TMC7: variants seen among roughly 807,000 people sequenced by gnomAD.
TMC7 encodes the protein transmembrane channel-like protein 7.
Under a neutral mutation model 82.9 loss-of-function variants are expected in TMC7, and 54 were observed. The ratio of observed to expected loss-of-function variants is 0.65; its 90% confidence interval spans 0.52 to 0.82. The LOEUF is 0.82. Among genes scored for constraint, TMC7 ranks in the 40% least tolerant of loss-of-function variants. The pLI, the probability that TMC7 is intolerant of heterozygous loss-of-function variation, is 0.00. For synonymous variants in TMC7, 350 were observed against 337.9 expected (o/e 1.04, Z -0.39); for missense variants, 820 against 901.2 (o/e 0.91, Z 1.15).
chr16:18,984,285 T>G (rs1444517511), intron 1 of TMC7, 155 bp downstream of exon 1: 1 of 1,336,012 alleles, frequency 7.5e-7, no homozygotes. Context: ...GGGAAGGAGA[T>G]CTTCCTTATT....
rs1277155788 is a variant in TMC7 at position 19,062,910 on chromosome 16, T to G, written c.*1067T>G. The G allele has an allele frequency of 6.6e-6, 1 of 152,304 alleles. No homozygotes were observed. The highest frequency in any genetic ancestry group is 2.4e-5 in the African/African-American group (1 of 41,434). The allele number at this position is 152,304 out of a possible 1,614,324, so 9.4% of individuals were successfully genotyped here. On this transcript the variant is annotated 3_prime_UTR_variant, in exon 16 of 16. Coordinates refer to ENST00000304381, the MANE Select transcript of TMC7 (RefSeq NM_024847.4). Reference sequence around the variant, plus strand: ...TGGGGAGTAGCCTGGAATTTAAAGTTGGGTGCAGGTTTTAGAAAGCTGTTG... The same window carrying G: ...TGGGGAGTAGCCTGGAATTTAAAGTGGGGTGCAGGTTTTAGAAAGCTGTTG...
intron 1 of TMC7, among the ~76,000 whole-genome samples, chr16:19,004,987 C>A (rs540343332): frequency 8.6e-5 from 13 of 151,964 alleles, no homozygotes; most frequent in Admixed American, 2.0e-4. Flanking sequence ...CACACCAGCA[C>A]AATGGGGATA....
chr16:18,995,149 T>A (rs2039021747), intron 1 of TMC7, among the ~76,000 whole-genome samples: 1 of 152,070 alleles, frequency 6.6e-6, no homozygotes, highest in Non-Finnish European at 1.5e-5. Flanking sequence ...AAGGAGTACA[T>A]TAAAGAATGT....
At chr16:19,007,660 A>T (rs1446248899) in intron 1 of TMC7, among the ~76,000 whole-genome samples, 1 of 150,920 alleles carries the variant, frequency 6.6e-6, no homozygotes, top group East Asian at 1.9e-4. Flanking sequence ...ACAGAGCGAG[A>T]CTCCGTCTCA....
intron 1 of TMC7, among the ~76,000 whole-genome samples, chr16:18,991,735 G>T (rs561797736): frequency 6.6e-6 from 1 of 150,882 alleles, no homozygotes; most frequent in East Asian, 2.0e-4. Context: ...TCCCTCCCCC[G>T]TCCCCGCACC....
At position 19,021,754 on chromosome 16, in the gene TMC7, A is replaced by G. The variant is rs765771408; in HGVS notation, c.586A>G (p.Ile196Val). ...CCCAGTCTTACTCACGAAATACAAG[A>G]TCACCAACAGCAGCTTCGTGCTCAT... ...LLPVLLTKYK[I>V]TNSSFVLIPF... The change falls in exon 4 of 16, where the codon ATC (isoleucine) becomes GTC (valine). Residue 196 changes from isoleucine (I) to valine (V), a missense_variant. Physicochemically the swap from Ile to Val is conservative, Grantham distance 29 (BLOSUM62 3). This residue lies in a region of TMC7 where 650 missense variants were observed against 669.9 expected (regional missense o/e 0.97). Coordinates refer to ENST00000304381, the MANE Select transcript of TMC7 (RefSeq NM_024847.4). The G allele has an allele frequency of 5.0e-6, 8 of 1,614,032 alleles. No individual in the cohort carries two copies. The highest frequency in any genetic ancestry group is 5.9e-6 in the Non-Finnish European group (7 of 1,180,040).
chr16:19,012,121 T>A, intron 2 of TMC7: 1 of 92,116 alleles, frequency 1.1e-5, no homozygotes, highest in Non-Finnish European at 2.2e-5. Flanking sequence ...AAAAGTGAGA[T>A]GTTGTCTCAA....
chr16:18,989,807 CG>C (rs541247197), intron 1 of TMC7, among the ~76,000 whole-genome samples: 14 of 151,602 alleles, frequency 9.2e-5, no homozygotes, highest in Admixed American at 7.2e-4. Context: ...AGAGGCCTCT[CG>C]GGGGGAGGCG....
At chr16:19,023,774 G>A (rs1960095662) in intron 5 of TMC7, among the ~76,000 whole-genome samples, 2 of 152,124 alleles carry the variant, frequency 1.3e-5, no homozygotes, top group South Asian at 4.1e-4. Flanking sequence ...GTATTGATCT[G>A]CAACACAATA....
chr16:19,020,260 T>C (rs1006457106), intron 3 of TMC7, among the ~76,000 whole-genome samples: 5 of 152,218 alleles, frequency 3.3e-5, no homozygotes, highest in African/African-American at 9.7e-5. Flanking sequence ...TGAAAGCTCT[T>C]TCCTTGAGAT....
intron 11 of TMC7, 35 bp downstream of exon 11, chr16:19,045,473 CCACACACATGCACA>C: frequency 7.1e-7 from 1 of 1,411,740 alleles, no homozygotes; most frequent in Non-Finnish European, 1.0e-6. Flanking sequence ...ATCCCCCCCA[CCACACACATGCACA>C]CACACACATA....
intron 1 of TMC7, among the ~76,000 whole-genome samples, chr16:18,996,693 G>A (rs1468237086): frequency 2.6e-5 from 4 of 152,208 alleles, no homozygotes; most frequent in Non-Finnish European, 5.9e-5. Context: ...AAAGAGAAAG[G>A]TGGAGACACA....
At chr16:19,014,973 T>A (rs1041941382) in intron 2 of TMC7, among the ~76,000 whole-genome samples, 1 of 151,120 alleles carries the variant, frequency 6.6e-6, no homozygotes, top group African/African-American at 2.4e-5. Context: ...TGTTTTTTTG[T>A]TTTTTTTTGA....
intron 1 of TMC7, among the ~76,000 whole-genome samples, chr16:19,001,894 A>G (rs2039147671): frequency 1.3e-5 from 2 of 152,206 alleles, no homozygotes; most frequent in Admixed American, 1.3e-4. Flanking sequence ...TAATTCCCAT[A>G]GCAGCTGGTG....
At chr16:19,002,483 C>T (rs1267172653) in intron 1 of TMC7, among the ~76,000 whole-genome samples, 3 of 152,136 alleles carry the variant, frequency 2.0e-5, no homozygotes, top group African/African-American at 7.2e-5. Flanking sequence ...GTAATCCACC[C>T]GCCTTGGCCT....
Position 19,047,262 on chromosome 16 carries a change from T to C in TMC7, c.1740+13T>C, listed in dbSNP as rs746299073. ...CTATGTGAAAGAGGTAAGGAGCCGG[T>C]GGGAATGGGGGCTCATATACTGGGC... On this transcript the variant is annotated intron_variant, in intron 12 of 15. Coordinates refer to ENST00000304381, the MANE Select transcript of TMC7 (RefSeq NM_024847.4). 2 of 1,611,396 alleles carry C rather than the reference T, an allele frequency of 1.2e-6. No homozygotes were observed. The highest frequency in any genetic ancestry group is 1.7e-6 in the Non-Finnish European group (2 of 1,178,594).
At chr16:19,050,137 C>T (rs570901582) in intron 12 of TMC7, among the ~76,000 whole-genome samples, 77 of 151,798 alleles carry the variant, frequency 5.1e-4, no homozygotes, top group Non-Finnish European at 9.1e-4. Context: ...TTTGGGAGGC[C>T]GAGGCCGGTG....
rs1372906795 is a variant in TMC7 at position 19,062,640 on chromosome 16, GA to G, written c.*799del. The G allele has an allele frequency of 1.3e-5, 2 of 152,592 alleles. No individual in the cohort carries two copies. The highest frequency in any genetic ancestry group is 3.9e-4 in the East Asian group (2 of 5,184). 9.5% of individuals were successfully genotyped at this position (152,592 alleles called of 1,614,324 possible). ...AAACTCTCCCTAAAAAAAAAATGTA[GA>G]ATATCTCTTAAGATTTCCGTTATGG... On this transcript the variant is annotated 3_prime_UTR_variant, in exon 16 of 16. Transcript: ENST00000304381.
At chr16:19,059,553 G>A in intron 15 of TMC7, 59 bp downstream of exon 15, 1 of 1,613,984 alleles carries the variant, frequency 6.2e-7, no homozygotes, top group Non-Finnish European at 8.5e-7. Flanking sequence ...GACACTGCAA[G>A]GAAAGTGCTG....
Sources: gnomAD v4.1 joint callset for allele counts (sites outside exome capture counted in the v4.1 genomes callset) on GRCh38, gnomAD v4.1.1 for gene constraint, gnomAD v4.1.1 regional missense constraint, MANE v1.5 for transcripts, NCBI Gene and HGNC (gene_info 2026-07-23, HGNC 2026-07-21) for gene names.